The following AGMO variants were observed in gnomAD, a reference collection of about 807,000 sequenced individuals.
The protein encoded by AGMO is glyceryl-ether monooxygenase.
A neutral mutation model predicts 60.2 loss-of-function variants in AGMO; 75 were observed. The ratio of observed to expected loss-of-function variants is 1.25; its 90% confidence interval spans 1.03 to 1.51. The LOEUF (loss-of-function observed/expected upper bound fraction) is 1.51, where lower values mean the gene tolerates loss of function less well. AGMO is among the 40% of genes most tolerant of loss of function. The pLI is 0.00. For missense variants in AGMO, 763 were observed against 525.5 expected (o/e 1.45, Z -4.42); for synonymous variants, 261 against 177.1 (o/e 1.47, Z -3.76).
intron 12 of AGMO, among the ~76,000 whole-genome samples, chr7:15,350,815 A>G (rs959347630): frequency 1.3e-5 from 2 of 152,180 alleles, no homozygotes; most frequent in African/African-American, 4.8e-5. Flanking sequence ...TTATCTTAAT[A>G]AAAGGAAGTT....
chr7:15,252,566 G>A (rs951307789), intron 12 of AGMO, among the ~76,000 whole-genome samples: 4 of 152,170 alleles, frequency 2.6e-5, no homozygotes, highest in African/African-American at 9.7e-5. Flanking sequence ...ATCCTATGAA[G>A]AACTGAATGA....
chr7:15,264,936 T>C (rs972659535), intron 12 of AGMO, among the ~76,000 whole-genome samples: 1 of 152,080 alleles, frequency 6.6e-6, no homozygotes, highest in Non-Finnish European at 1.5e-5. Flanking sequence ...ACTAGATATA[T>C]ACTCAAAGGA....
chr7:15,189,374 T>C, the AGMO span, among the ~76,000 whole-genome samples: 1 of 152,148 alleles, frequency 6.6e-6, no homozygotes, highest in African/African-American at 2.4e-5. Context: ...ACTCATTTTA[T>C]AAACATTTTA....
downstream of AGMO, among the ~76,000 whole-genome samples, chr7:15,197,560 T>C (rs1781150640): frequency 6.6e-6 from 1 of 152,182 alleles, no homozygotes; most frequent in Non-Finnish European, 1.5e-5. Flanking sequence ...TGAGATGATA[T>C]GGAAGTAAAT....
chr7:15,216,378 A>G (rs138746591), intron 12 of AGMO, among the ~76,000 whole-genome samples: 12 of 152,208 alleles, frequency 7.9e-5, no homozygotes, highest in African/African-American at 2.4e-4. Flanking sequence ...CTATAATTTT[A>G]TAGGGTTCCT....
intron 4 of AGMO, among the ~76,000 whole-genome samples, chr7:15,429,655 T>A (rs1781172333): frequency 6.6e-6 from 1 of 151,986 alleles, no homozygotes; most frequent in South Asian, 2.1e-4. Context: ...GTGTGGGAGT[T>A]TGAGGGTGAA....
intron 3 of AGMO, among the ~76,000 whole-genome samples, chr7:15,520,529 T>C (rs964113229): frequency 5.3e-5 from 8 of 152,112 alleles, no homozygotes; most frequent in African/African-American, 1.9e-4. Context: ...AAATTAGAAC[T>C]CAGGATTAAG....
chr7:15,460,412 T>C (rs1782115165), intron 3 of AGMO, among the ~76,000 whole-genome samples: 1 of 152,150 alleles, frequency 6.6e-6, no homozygotes, highest in East Asian at 1.9e-4. Flanking sequence ...ATTTTTCACA[T>C]ACTTAATATC....
chr7:15,238,416 G>T (rs1376702067), intron 12 of AGMO, among the ~76,000 whole-genome samples: 1 of 151,714 alleles, frequency 6.6e-6, no homozygotes, highest in East Asian at 1.9e-4. Context: ...AAAAAATTGT[G>T]TTTAATATTC....
At chr7:15,526,230 T>C (rs1333994153) in intron 3 of AGMO, among the ~76,000 whole-genome samples, 3 of 152,184 alleles carry the variant, frequency 2.0e-5, no homozygotes, top group Non-Finnish European at 4.4e-5. Flanking sequence ...GCAAAGTGAC[T>C]GAGAAAAATC....
chr7:15,143,676 GTT>G, the AGMO span, among the ~76,000 whole-genome samples: 1 of 146,350 alleles, frequency 6.8e-6, no homozygotes, highest in Admixed American at 6.8e-5. Flanking sequence ...TTTTTGTTTT[GTT>G]TTGTTTTGTC....
intron 12 of AGMO, among the ~76,000 whole-genome samples, chr7:15,354,220 CAGTT>C (rs149376261): frequency 0.015 from 2,291 of 149,540 alleles, 69 homozygotes; most frequent in African/African-American, 0.053. Flanking sequence ...CTCAGTCCAT[CAGTT>C]ATTTTCTATG....
intron 2 of AGMO, among the ~76,000 whole-genome samples, chr7:15,555,103 G>T (rs1374643951): frequency 6.6e-6 from 1 of 151,466 alleles, no homozygotes; most frequent in Non-Finnish European, 1.5e-5. Context: ...TGTCATTATA[G>T]CTGAGTGTTC....
intron 3 of AGMO, among the ~76,000 whole-genome samples, chr7:15,507,932 T>C (rs1442446793): frequency 6.6e-6 from 1 of 152,026 alleles, no homozygotes; most frequent in African/African-American, 2.4e-5. Flanking sequence ...CCTGAGGTGA[T>C]GACTGCTGGG....
the AGMO span, among the ~76,000 whole-genome samples, chr7:15,142,029 G>T: frequency 6.6e-6 from 1 of 152,098 alleles, no homozygotes; most frequent in African/African-American, 2.4e-5. Context: ...GAGTCAAACT[G>T]CCTGATCCAT....
At chr7:15,151,563 T>C in the AGMO span, among the ~76,000 whole-genome samples, 2 of 152,138 alleles carry the variant, frequency 1.3e-5, no homozygotes, top group African/African-American at 2.4e-5. Context: ...TAATTGTTTA[T>C]GCAAAAGTAA....
chr7:15,426,272 C>T (rs891247540), intron 4 of AGMO, among the ~76,000 whole-genome samples: 12 of 152,082 alleles, frequency 7.9e-5, no homozygotes, highest in African/African-American at 2.7e-4. Context: ...ATGTAACATA[C>T]ATTTATTAAC....
chr7:15,272,090 T>C (rs1234795024), intron 12 of AGMO, among the ~76,000 whole-genome samples: 1 of 152,148 alleles, frequency 6.6e-6, no homozygotes, highest in Non-Finnish European at 1.5e-5. Flanking sequence ...AGTATTTTGT[T>C]GAGGATTTTT....
At chr7:15,550,600 T>G (rs1784924978) in intron 2 of AGMO, among the ~76,000 whole-genome samples, 1 of 151,428 alleles carries the variant, frequency 6.6e-6, no homozygotes, top group Admixed American at 6.6e-5. Flanking sequence ...ACATACACTC[T>G]CCCAAGACTA....
Sources: gnomAD v4.1 joint callset for allele counts (sites outside exome capture counted in the v4.1 genomes callset) on GRCh38, gnomAD v4.1.1 for gene constraint, MANE v1.5 for transcripts, NCBI Gene and HGNC (gene_info 2026-07-23, HGNC 2026-07-21) for gene names.